ARB2A: variants seen among roughly 807,000 people sequenced by gnomAD.
The protein encoded by ARB2A is ARB2 cotranscriptional regulator A, also known as cotranscriptional regulator ARB2A.
the ARB2A span, chr5:93,862,362 C>T: frequency 6.6e-6 from 1 of 152,212 alleles, no homozygotes; most frequent in Non-Finnish European, 1.5e-5. Flanking sequence ...ACAATCTGAA[C>T]TTACTTCTGT....
At chr5:93,819,425 T>C in the ARB2A span, among the ~76,000 whole-genome samples, 1 of 152,178 alleles carries the variant, frequency 6.6e-6, no homozygotes, top group African/African-American at 2.4e-5. Context: ...AAATGGCAAT[T>C]TATTTTTACT....
chr5:94,049,110 C>T, the ARB2A span, among the ~76,000 whole-genome samples: 1 of 152,162 alleles, frequency 6.6e-6, no homozygotes, highest in African/African-American at 2.4e-5. Context: ...AGTTATCACA[C>T]TAAAACTTAT....
At chr5:93,765,325 C>G in the ARB2A span, among the ~76,000 whole-genome samples, 2 of 152,192 alleles carry the variant, frequency 1.3e-5, no homozygotes, top group African/African-American at 4.8e-5. Flanking sequence ...TCTCCTTAAG[C>G]TGATAGGCAA....
chr5:93,839,231 T>C, the ARB2A span, among the ~76,000 whole-genome samples: 1 of 152,196 alleles, frequency 6.6e-6, no homozygotes, highest in Non-Finnish European at 1.5e-5. Flanking sequence ...CCTAGTTTAT[T>C]GAGGATTTTT....
the ARB2A span, chr5:93,740,434 T>C: frequency 1.2e-6 from 1 of 855,660 alleles, no homozygotes. Context: ...CCACCCCCAT[T>C]CCCTACTATG....
chr5:93,783,759 T>C, the ARB2A span, among the ~76,000 whole-genome samples: 4 of 152,238 alleles, frequency 2.6e-5, no homozygotes, highest in East Asian at 1.9e-4. Flanking sequence ...AGTTAAAAAA[T>C]AGTAATAATG....
the ARB2A span, among the ~76,000 whole-genome samples, chr5:93,644,761 AAGTT>A: frequency 6.6e-6 from 1 of 152,208 alleles, no homozygotes; most frequent in East Asian, 1.9e-4. Flanking sequence ...CAGAACACAG[AAGTT>A]AGCATACTAG....
the ARB2A span, among the ~76,000 whole-genome samples, chr5:93,634,595 G>A: frequency 6.6e-6 from 1 of 152,054 alleles, no homozygotes; most frequent in Non-Finnish European, 1.5e-5. Context: ...AAAATGTTGT[G>A]CTTATTAGTA....
At chr5:93,868,295 G>C in the ARB2A span, among the ~76,000 whole-genome samples, 1 of 152,318 alleles carries the variant, frequency 6.6e-6, no homozygotes, top group South Asian at 2.1e-4. Context: ...ACTCCAGCCT[G>C]GGTGACAGGA....
At chr5:93,762,965 A>C in the ARB2A span, among the ~76,000 whole-genome samples, 1 of 152,216 alleles carries the variant, frequency 6.6e-6, no homozygotes, top group Non-Finnish European at 1.5e-5. Context: ...TTCATAAGTG[A>C]AGGAGAAATA....
At chr5:93,997,722 T>C in the ARB2A span, among the ~76,000 whole-genome samples, 2 of 151,946 alleles carry the variant, frequency 1.3e-5, no homozygotes, top group Non-Finnish European at 2.9e-5. Flanking sequence ...CTGCCTCAGA[T>C]TACTTCCTCT....
chr5:94,099,624 CAAA>C, the ARB2A span, among the ~76,000 whole-genome samples: 5 of 13,648 alleles, frequency 3.7e-4, no homozygotes, highest in African/African-American at 9.7e-4. Context: ...GACTCCGTCT[CAAA>C]AAAAAAAAAA....
the ARB2A span, chr5:93,743,526 G>A: frequency 2.0e-6 from 2 of 984,376 alleles, no homozygotes. Context: ...ATTCTCTTGA[G>A]GTATACTTAC....
At chr5:93,951,612 T>C in the ARB2A span, among the ~76,000 whole-genome samples, 1 of 152,204 alleles carries the variant, frequency 6.6e-6, no homozygotes, top group Non-Finnish European at 1.5e-5. Context: ...TTGGCATCTT[T>C]ATCAAAAATA....
chr5:93,825,363 C>A, the ARB2A span, among the ~76,000 whole-genome samples: 1 of 152,152 alleles, frequency 6.6e-6, no homozygotes, highest in Non-Finnish European at 1.5e-5. Context: ...TGAGCTTCAT[C>A]TTCAACAATG....
the ARB2A span, among the ~76,000 whole-genome samples, chr5:93,777,639 G>A: frequency 6.6e-6 from 1 of 151,546 alleles, no homozygotes; most frequent in Non-Finnish European, 1.5e-5. Context: ...ATCGCTGATT[G>A]CTATTCTGGT....
At chr5:94,109,092 T>C in the ARB2A span, among the ~76,000 whole-genome samples, 1 of 152,194 alleles carries the variant, frequency 6.6e-6, no homozygotes, top group Admixed American at 6.5e-5. Flanking sequence ...TGGATAATTG[T>C]ATTTCACCTT....
At chr5:93,769,469 C>A in the ARB2A span, among the ~76,000 whole-genome samples, 1 of 152,132 alleles carries the variant, frequency 6.6e-6, no homozygotes, top group African/African-American at 2.4e-5. Flanking sequence ...CTGCCATCAC[C>A]TCAATCAATG....
At chr5:94,043,648 G>T in the ARB2A span, among the ~76,000 whole-genome samples, 3 of 152,160 alleles carry the variant, frequency 2.0e-5, no homozygotes, top group Non-Finnish European at 4.4e-5. Flanking sequence ...CCTGTACAGG[G>T]TTTCTGACCT....
Sources: gnomAD v4.1 joint callset for allele counts (sites outside exome capture counted in the v4.1 genomes callset) on GRCh38, gnomAD v4.1.1 for gene constraint, MANE v1.5 for transcripts, NCBI Gene and HGNC (gene_info 2026-07-23, HGNC 2026-07-21) for gene names.